The following ADAMTSL1 variants were observed in gnomAD, a reference collection of about 807,000 sequenced individuals.
ADAMTSL1 encodes ADAMTS like 1.
ADAMTSL1 carries 126 observed loss-of-function variants against 201.8 expected under a neutral mutation model. The ratio of observed to expected loss-of-function variants is 0.62; its 90% CI spans 0.54 to 0.72. The LOEUF is 0.72. Among genes scored for constraint, ADAMTSL1 ranks in the 30% least tolerant of loss-of-function variants. ADAMTSL1 has a pLI of 0.00. For synonymous variants in ADAMTSL1, 1,121 were observed against 903.4 expected, an observed-to-expected ratio of 1.24 and a Z score of -4.32; for missense variants, 2,679 against 2,277.8, an observed-to-expected ratio of 1.18 and a Z score of -3.59.
At chr9:17,989,170 G>C (rs1236412055) in intron 1 of ADAMTSL1, among the ~76,000 whole-genome samples, 1 of 151,438 alleles carries the variant, frequency 6.6e-6, no homozygotes, top group Non-Finnish European at 1.5e-5. Context: ...ATGTAAATAG[G>C]ACATGAAACC....
At chr9:18,882,750 T>A (rs1828611779) in intron 23 of ADAMTSL1, among the ~76,000 whole-genome samples, 1 of 151,948 alleles carries the variant, frequency 6.6e-6, no homozygotes, top group Non-Finnish European at 1.5e-5. Flanking sequence ...TCCCAGCACT[T>A]TGGGAAGCTG....
intron 1 of ADAMTSL1, among the ~76,000 whole-genome samples, chr9:18,143,729 T>C (rs1826503626): frequency 6.6e-6 from 1 of 152,174 alleles, no homozygotes; most frequent in Non-Finnish European, 1.5e-5. Context: ...CTTTTATCCC[T>C]GGCAATAATG....
At chr9:18,175,754 C>T (rs1049199654) in intron 2 of ADAMTSL1, among the ~76,000 whole-genome samples, 31 of 152,074 alleles carry the variant, frequency 2.0e-4, no homozygotes, top group Non-Finnish European at 4.1e-4. Context: ...GGCCTTGTCT[C>T]TCCAAAGTCC....
At chr9:18,487,929 C>G (rs1822079755) in intron 1 of ADAMTSL1, among the ~76,000 whole-genome samples, 1 of 152,086 alleles carries the variant, frequency 6.6e-6, no homozygotes, top group Non-Finnish European at 1.5e-5. Context: ...ATTATAGCAA[C>G]TTGAATGAAT....
At chr9:18,733,942 G>C (rs1005453064) in intron 15 of ADAMTSL1, among the ~76,000 whole-genome samples, 1 of 147,180 alleles carries the variant, frequency 6.8e-6, no homozygotes, top group East Asian at 2.0e-4. Flanking sequence ...CTAAGAATTA[G>C]GAAAACAAAA....
chr9:18,751,640 G>A (rs7043157), intron 15 of ADAMTSL1, among the ~76,000 whole-genome samples: 68,640 of 151,914 alleles, frequency 0.45, 16,008 homozygotes, highest in South Asian at 0.55. Flanking sequence ...ACTCAGATGC[G>A]GGCCCTACAT....
chr9:18,811,517 G>A (rs1263244103), intron 20 of ADAMTSL1, among the ~76,000 whole-genome samples: 3 of 152,216 alleles, frequency 2.0e-5, no homozygotes, highest in Non-Finnish European at 4.4e-5. Context: ...TCCCACACTT[G>A]GGTAACAAAA....
intron 23 of ADAMTSL1, among the ~76,000 whole-genome samples, chr9:18,853,919 G>GTGTGTGCA (rs1554648756): frequency 0.14 from 7,148 of 49,772 alleles, 260 homozygotes; most frequent in Non-Finnish European, 0.21. Flanking sequence ...GTGTGTGTGT[G>GTGTGTGCA]CGCGTGCATG....
At chr9:18,171,504 A>G (rs1827888325) in intron 2 of ADAMTSL1, among the ~76,000 whole-genome samples, 1 of 152,110 alleles carries the variant, frequency 6.6e-6, no homozygotes, top group Admixed American at 6.6e-5. Flanking sequence ...CACAAGCTGG[A>G]AGGTATTCTT....
intron 7 of ADAMTSL1, among the ~76,000 whole-genome samples, chr9:18,654,147 T>G (rs1350519163): frequency 6.6e-6 from 1 of 152,236 alleles, no homozygotes; most frequent in Non-Finnish European, 1.5e-5. Flanking sequence ...GAAAATTGCT[T>G]GAACCCAGGA....
intron 1 of ADAMTSL1, among the ~76,000 whole-genome samples, chr9:17,945,870 G>T (rs1827447461): frequency 6.6e-6 from 1 of 150,678 alleles, no homozygotes; most frequent in Non-Finnish European, 1.5e-5. Context: ...AATGCTAAAT[G>T]ACGAGTTAAT....
At chr9:18,867,654 G>A (rs1046508403) in intron 23 of ADAMTSL1, among the ~76,000 whole-genome samples, 2 of 151,850 alleles carry the variant, frequency 1.3e-5, no homozygotes, top group African/African-American at 4.8e-5. Flanking sequence ...TTTAGATGGA[G>A]TCTTGCTCTG....
At chr9:18,591,143 T>C (rs1282302247) in intron 4 of ADAMTSL1, among the ~76,000 whole-genome samples, 1 of 152,190 alleles carries the variant, frequency 6.6e-6, no homozygotes, top group Non-Finnish European at 1.5e-5. Flanking sequence ...TATTTTTGTA[T>C]TGCCATCTAT....
intron 1 of ADAMTSL1, among the ~76,000 whole-genome samples, chr9:18,014,429 A>G (rs1193287264): frequency 6.6e-6 from 1 of 152,094 alleles, no homozygotes; most frequent in East Asian, 1.9e-4. Flanking sequence ...AATTTCCTAA[A>G]GGGTATCTAC....
At chr9:18,719,254 A>G (rs1433773623) in intron 14 of ADAMTSL1, among the ~76,000 whole-genome samples, 1 of 152,242 alleles carries the variant, frequency 6.6e-6, no homozygotes, top group African/African-American at 2.4e-5. Context: ...TTTAAATTAA[A>G]TTTTGAAGCT....
chr9:18,871,709 G>A (rs775713990), intron 23 of ADAMTSL1, among the ~76,000 whole-genome samples: 3 of 152,152 alleles, frequency 2.0e-5, no homozygotes, highest in African/African-American at 4.8e-5. Flanking sequence ...GGTCTCACTC[G>A]TGTTCCAAAC....
Position 18,497,386 on chromosome 9 carries a change from G to A in ADAMTSL1, c.64-7443G>A, listed in dbSNP as rs188140848. ...GCTTCAGGCTTCTACTCCTAATTGA[G>A]CACTCTCTAGGTCTAGAAGCTCAGC... On this transcript the variant is annotated intron_variant, in intron 1 of 28. Coordinates refer to ENST00000380548, the MANE Select transcript of ADAMTSL1 (RefSeq NM_001040272.6). 8.5e-5 allele frequency among the ~76,000 whole-genome samples: 13 copies of A among 152,138 alleles called. 1 individual carries two copies. Among genetic ancestry groups the A allele is most frequent in the Admixed American group, 2.6e-4 (4 of 15,282 alleles).
At chr9:18,325,068 A>G (rs930619990) in intron 2 of ADAMTSL1, among the ~76,000 whole-genome samples, 7 of 152,228 alleles carry the variant, frequency 4.6e-5, no homozygotes, top group African/African-American at 1.7e-4. Flanking sequence ...TAGAATGGAT[A>G]TAATTAGAAT....
chr9:18,607,263 T>C (rs897928052), intron 4 of ADAMTSL1, among the ~76,000 whole-genome samples: 2 of 152,178 alleles, frequency 1.3e-5, no homozygotes, highest in African/African-American at 4.8e-5. Context: ...CTTTCGATTG[T>C]AAAATTTTAA....
Sources: gnomAD v4.1 joint callset for allele counts (sites outside exome capture counted in the v4.1 genomes callset) on GRCh38, gnomAD v4.1.1 for gene constraint, MANE v1.5 for transcripts, NCBI Gene and HGNC (gene_info 2026-07-23, HGNC 2026-07-21) for gene names.